GALK2: variants seen among roughly 807,000 people sequenced by gnomAD.
GALK2 encodes the protein galactokinase 2, also known as N-acetylgalactosamine kinase.
In GALK2, 36 loss-of-function variants were observed where a neutral mutation model predicts 52.4. The observed-to-expected ratio is 0.69, with a 90% CI of 0.53 to 0.91. The LOEUF (loss-of-function observed/expected upper bound fraction) is 0.91. Ranked by LOEUF, GALK2 falls within the 40% of genes least tolerant of loss-of-function variation. The pLI, the probability that GALK2 is intolerant of heterozygous loss-of-function variation, is 0.00. For synonymous variants in GALK2, 176 were observed against 199.1 expected, an observed-to-expected ratio of 0.88 and a Z score of 0.98; for missense variants, 579 against 559.1, an observed-to-expected ratio of 1.04 and a Z score of -0.36.
At chr15:49,200,581 C>T (rs1477328261) in intron 1 of GALK2, among the ~76,000 whole-genome samples, 1 of 152,098 alleles carries the variant, frequency 6.6e-6, no homozygotes, top group Non-Finnish European at 1.5e-5. Context: ...AGCTGTAAGC[C>T]AAAGAACACC....
chr15:49,163,320 T>C (rs1341115368), intron 1 of GALK2, among the ~76,000 whole-genome samples: 1 of 152,252 alleles, frequency 6.6e-6, no homozygotes, highest in Non-Finnish European at 1.5e-5. Context: ...TTTGCCTATT[T>C]TTTAAACTGG....
chr15:49,335,200 C>A (rs142161638), downstream of GALK2, among the ~76,000 whole-genome samples: 964 of 152,224 alleles, frequency 6.3e-3, 15 homozygotes, highest in African/African-American at 0.022. Flanking sequence ...TCACACCAAG[C>A]AAAGCTTCCT....
intron 8 of GALK2, among the ~76,000 whole-genome samples, chr15:49,304,802 A>G (rs879609586): frequency 5.3e-5 from 8 of 152,224 alleles, no homozygotes; most frequent in Admixed American, 5.2e-4. Context: ...GGGACAATGA[A>G]TATTGCTCTT....
chr15:49,260,448 T>C (rs1471404910), intron 5 of GALK2, among the ~76,000 whole-genome samples: 1 of 147,986 alleles, frequency 6.8e-6, no homozygotes, highest in African/African-American at 2.5e-5. Flanking sequence ...TTGAGTTCAT[T>C]GTAGATTCTG....
intron 1 of GALK2, among the ~76,000 whole-genome samples, chr15:49,179,098 G>A (rs2085755619): frequency 6.6e-6 from 1 of 151,936 alleles, no homozygotes; most frequent in South Asian, 2.1e-4. Context: ...AATTTATTGT[G>A]ATGAAAGGAA....
rs1405224150 is a variant in GALK2, at chr15:49,329,635, G to A, written c.*1476G>A. Reference sequence around the variant, plus strand: ...TTTCATTCTTAGCAGAAAGGTAAATGCTTGAGAAAGCTTGAGTCAAATTTG... The same window carrying A: ...TTTCATTCTTAGCAGAAAGGTAAATACTTGAGAAAGCTTGAGTCAAATTTG... On this transcript the variant is annotated 3_prime_UTR_variant, in exon 10 of 10. Transcript: ENST00000560031. 8 of 984,342 alleles carry A rather than the reference G, an allele frequency of 8.1e-6. No individual in the cohort carries two copies. The African/African-American group carries it at 1.4e-4, about 17-fold the overall frequency. The allele number at this position is 984,342 out of a possible 1,614,324, so 61.0% of individuals were successfully genotyped here. A position where few individuals can be genotyped will look rare whatever the true frequency, so the allele number is the denominator to read the frequency against.
chr15:49,225,026 G>T (rs1293741958), intron 3 of GALK2, among the ~76,000 whole-genome samples: 1 of 152,182 alleles, frequency 6.6e-6, no homozygotes, highest in Admixed American at 6.5e-5. Context: ...CTTAAGAGTG[G>T]TGGCCAGCAG....
intron 3 of GALK2, among the ~76,000 whole-genome samples, chr15:49,339,231 A>G (rs1467952678): frequency 6.6e-6 from 1 of 152,086 alleles, no homozygotes; most frequent in Admixed American, 6.5e-5. Flanking sequence ...TGGAATTTTC[A>G]GTCTTTTTGC....
At chr15:49,347,106 A>G (rs2041618733) in intron 3 of GALK2, among the ~76,000 whole-genome samples, 1 of 152,242 alleles carries the variant, frequency 6.6e-6, no homozygotes. Context: ...AAGTTTCACT[A>G]TTTAATACAT....
chr15:49,336,374 AATTGGCCAGT>A (rs1350069229), downstream of GALK2, among the ~76,000 whole-genome samples: 1 of 152,218 alleles, frequency 6.6e-6, no homozygotes, highest in Non-Finnish European at 1.5e-5. Context: ...TTGAAGTGGC[AATTGGCCAGT>A]ATTGGCCAAT....
rs1408937697 is a variant in GALK2 at position 49,179,648 on chromosome 15, CTTTCT to C, written c.53+9277_53+9281del. ...TACTGCTGTTCTTTTTTCTTTGTTTCTTTCTTTTTTTTTTTTTTTTTTAAGATTTT... is the reference window on the plus strand; with the variant it reads ...TACTGCTGTTCTTTTTTCTTTGTTTCTTTTTTTTTTTTTTTTTAAGATTTT... On this transcript the variant is annotated intron_variant, in intron 1 of 9. Transcript: ENST00000560031. Among the ~76,000 whole-genome samples, 6 of 124,132 alleles carry C rather than the reference CTTTCT, an allele frequency of 4.8e-5. No individual in the cohort carries two copies. In the East Asian group the frequency reaches 9.6e-4, roughly 20 times the overall value. The allele number at this position is 124,132 out of a possible 152,430, so 81.4% of individuals were successfully genotyped here.
At chr15:49,245,856 A>G (rs2091322674) in intron 5 of GALK2, among the ~76,000 whole-genome samples, 1 of 152,206 alleles carries the variant, frequency 6.6e-6, no homozygotes, top group African/African-American at 2.4e-5. Context: ...AGTAGCATGA[A>G]AAATGTTTAA....
intron 9 of GALK2, among the ~76,000 whole-genome samples, chr15:49,324,992 A>G (rs1025588956): frequency 6.6e-6 from 1 of 152,174 alleles, no homozygotes; most frequent in African/African-American, 2.4e-5. Flanking sequence ...ATAATTTCTT[A>G]CCTTCCCTCT....
At chr15:49,228,711 T>TTTTC (rs2090330528) in intron 3 of GALK2, among the ~76,000 whole-genome samples, 1 of 70,708 alleles carries the variant, frequency 1.4e-5, no homozygotes, top group Non-Finnish European at 2.9e-5. Context: ...TTTTTTTTTT[T>TTTTC]GCGATGGAGT....
Position 49,235,713 on chromosome 15 carries a change from T to C in GALK2, c.267-138T>C. ...CTCTTAGCAGCTGGAGATGTTTTGC[T>C]GTAGACACACAGTTTGAACATAAAA... is the stretch of plus-strand genomic sequence containing the variant. On this transcript the variant is annotated intron_variant, in intron 3 of 9. Coordinates refer to ENST00000560031, the MANE Select transcript of GALK2 (RefSeq NM_002044.4). The C allele has an allele frequency of 6.5e-6, 5 of 775,014 alleles. No homozygotes were observed. In the South Asian group the frequency reaches 6.8e-5, roughly 11 times the overall value. 48.0% of individuals were successfully genotyped at this position (775,014 alleles called of 1,614,324 possible).
chr15:49,278,589 A>T (rs759200964), intron 5 of GALK2, among the ~76,000 whole-genome samples: 2 of 152,218 alleles, frequency 1.3e-5, no homozygotes, highest in Non-Finnish European at 2.9e-5. Flanking sequence ...TCATTACAAT[A>T]ATCCTGTGGC....
chr15:49,238,479 GTATC>G (rs2090939844), intron 4 of GALK2, among the ~76,000 whole-genome samples: 1 of 152,280 alleles, frequency 6.6e-6, no homozygotes, highest in Admixed American at 6.5e-5. Context: ...TGGCTAAACT[GTATC>G]TATAAACTGT....
At chr15:49,230,929 G>A (rs1216007785) in intron 3 of GALK2, among the ~76,000 whole-genome samples, 1 of 152,144 alleles carries the variant, frequency 6.6e-6, no homozygotes, top group Non-Finnish European at 1.5e-5. Flanking sequence ...TGAACCTCAG[G>A]AAAAGGCTAG....
At chr15:49,343,519 T>C (rs999153798) in intron 3 of GALK2, 2 of 152,154 alleles carry the variant, frequency 1.3e-5, no homozygotes, top group Non-Finnish European at 2.9e-5. Flanking sequence ...TTCACTTACA[T>C]GAAAATAGCT....
Sources: gnomAD v4.1 joint callset for allele counts (sites outside exome capture counted in the v4.1 genomes callset) on GRCh38, gnomAD v4.1.1 for gene constraint, MANE v1.5 for transcripts, NCBI Gene and HGNC (gene_info 2026-07-23, HGNC 2026-07-21) for gene names.